Variants in GOLGA3 observed in about 807,000 individuals in gnomAD.
The protein encoded by GOLGA3 is golgin subfamily A member 3.
GOLGA3 carries 75 observed loss-of-function variants against 169.4 expected under a neutral mutation model. The ratio of observed to expected loss-of-function variants is 0.44; its 90% CI spans 0.37 to 0.54. The LOEUF (loss-of-function observed/expected upper bound fraction) is 0.54, where lower values mean the gene tolerates loss of function less well. Ranked by LOEUF, GOLGA3 falls within the 20% of genes least tolerant of loss-of-function variation. GOLGA3 has a pLI of 0.00. For synonymous variants in GOLGA3, 824 were observed against 822.4 expected, an observed-to-expected ratio of 1.00 and a Z score of -0.03; for missense variants, 1,899 against 1,930.0, an observed-to-expected ratio of 0.98 and a Z score of 0.30.
At chr12:132,802,032 G>A (rs1949152354) in intron 7 of GOLGA3, 63 bp from the exon 8 acceptor site, 15 of 1,296,334 alleles carry the variant, frequency 1.2e-5, no homozygotes, top group East Asian at 7.3e-5. Flanking sequence ...CCGCAGCTCC[G>A]CGCGTGCGGG....
chr12:132,803,246 C>CTA (rs1426988327), intron 7 of GOLGA3, among the ~76,000 whole-genome samples: 2 of 152,158 alleles, frequency 1.3e-5, no homozygotes, highest in African/African-American at 4.8e-5. Flanking sequence ...CAGCGGGCGC[C>CTA]TAGGATGACT....
chr12:132,784,355 C>A, intron 15 of GOLGA3, 48 bp from the exon 16 acceptor site: 2 of 1,519,136 alleles, frequency 1.3e-6, no homozygotes, highest in African/African-American at 2.7e-5. Context: ...CAGGCCCTGA[C>A]CCCCCTCACT....
At chr12:132,819,022 C>T (rs1035514377) in intron 2 of GOLGA3, among the ~76,000 whole-genome samples, 3 of 150,128 alleles carry the variant, frequency 2.0e-5, no homozygotes, top group African/African-American at 7.6e-5. Context: ...TCAGTCTTTT[C>T]CCTGCCCCCT....
intron 11 of GOLGA3, 23 bp downstream of exon 11, chr12:132,795,829 C>T (rs369252040): frequency 6.9e-6 from 11 of 1,599,176 alleles, no homozygotes; most frequent in African/African-American, 5.4e-5. Flanking sequence ...TGATTCAAAA[C>T]AAAACACAGC....
chr12:132,770,126 GGGAGAATGAGGCA>G lies in GOLGA3; in HGVS notation c.*2966_*2978del, dbSNP rs1359082577. ...CGGGCACCTGTAATCCCAGCTACTGGGGAGAATGAGGCAGGAGAATCGCTTGAACCCAGATGGC... is the reference window on the plus strand; with the variant it reads ...CGGGCACCTGTAATCCCAGCTACTGGGGAGAATCGCTTGAACCCAGATGGC... On this transcript the variant is annotated 3_prime_UTR_variant, in exon 24 of 24. Transcript: ENST00000450791. 6.6e-6 allele frequency: 1 copy of G among 151,966 alleles called. No homozygotes were observed. Among genetic ancestry groups the G allele is most frequent in the Admixed American group, 6.6e-5 (1 of 15,252 alleles). 9.4% of individuals were successfully genotyped at this position (151,966 alleles called of 1,614,324 possible). A position where few individuals can be genotyped will look rare whatever the true frequency, so the allele number is the denominator to read the frequency against.
At chr12:132,780,983 A>G in intron 17 of GOLGA3, 69 bp from the exon 18 acceptor site, 2 of 1,165,698 alleles carry the variant, frequency 1.7e-6, no homozygotes, top group South Asian at 2.4e-5. Context: ...CTGCTACAGC[A>G]GGCAACGTGA....
At chr12:132,793,879 C>T (rs1191372859) in intron 11 of GOLGA3, among the ~76,000 whole-genome samples, 1 of 152,228 alleles carries the variant, frequency 6.6e-6, no homozygotes, top group Non-Finnish European at 1.5e-5. Flanking sequence ...GGGCGGCCGA[C>T]TCCAGAAATA....
At position 132,808,353 on chromosome 12, in the gene GOLGA3, T is replaced by G; in HGVS notation, c.716A>C (p.Lys239Thr). Residue 239 changes from lysine (K) to threonine (T), a missense_variant, in exon 5 of 24, where the codon AAA becomes ACA. Transcript: ENST00000450791. The stretch of plus-strand genomic sequence containing the variant: ...GGCCAGAGACCGGATTTTGCTTGAT[T>G]TGGAAGTTTTTTTCTCCCTAGGATG... The part of the protein sequence containing the change: ...PAHPREKKTS[K>T]SSKIRSLADY... 6.2e-7 allele frequency: 1 copy of G among 1,614,092 alleles called. No individual in the cohort carries two copies. The highest frequency in any genetic ancestry group is 8.5e-7 in the Non-Finnish European group (1 of 1,180,014).
intron 16 of GOLGA3, 40 bp downstream of exon 16, chr12:132,784,124 C>T: frequency 1.2e-6 from 2 of 1,601,330 alleles, no homozygotes; most frequent in Non-Finnish European, 1.7e-6. Context: ...CTCACGTGAC[C>T]TGCCCCACGC....
At chr12:132,789,502 G>A (rs535992577) in intron 12 of GOLGA3, among the ~76,000 whole-genome samples, 11 of 152,322 alleles carry the variant, frequency 7.2e-5, no homozygotes, top group South Asian at 4.1e-4. Context: ...GAGAGACTGC[G>A]TGGTGCACAA....
At position 132,778,820 on chromosome 12, in the gene GOLGA3, G is replaced by A. The variant is rs553517719; in HGVS notation, c.3583-1015C>T. Among the ~76,000 whole-genome samples, 21 of 151,362 alleles carry A rather than the reference G, an allele frequency of 1.4e-4. 1 individual carries two copies. In the South Asian group the frequency reaches 3.8e-3, roughly 27 times the overall value. ...TGAGGCAGGAGAATCACTTGAACCC[G>A]GGAGGCAGAGGTTACAGTGAACCAA... is the stretch of plus-strand genomic sequence containing the variant. On this transcript the variant is annotated intron_variant, in intron 18 of 23. Coordinates refer to ENST00000450791, the MANE Select transcript of GOLGA3 (RefSeq NM_001389683.1).
chr12:132,779,501 T>C (rs1051661461), intron 18 of GOLGA3, among the ~76,000 whole-genome samples: 2 of 152,244 alleles, frequency 1.3e-5, no homozygotes, highest in South Asian at 2.1e-4. Flanking sequence ...TTCTTAAAGG[T>C]TGTGGCAAAG....
At chr12:132,800,888 G>A (rs190505280) in intron 8 of GOLGA3, among the ~76,000 whole-genome samples, 53 of 152,352 alleles carry the variant, frequency 3.5e-4, no homozygotes, top group Non-Finnish European at 6.8e-4. Flanking sequence ...GAGTCTGAGA[G>A]GTTGAGGCTG....
intron 4 of GOLGA3, among the ~76,000 whole-genome samples, chr12:132,811,627 A>ATC (rs569493915): frequency 9.2e-4 from 139 of 151,788 alleles, no homozygotes; most frequent in Non-Finnish European, 1.5e-3. Context: ...CATCCGGCTA[A>ATC]TTTTTTGTAT....
In GOLGA3 at chr12:132,796,711, G is replaced by GA. The variant is rs772736852; in HGVS notation, c.1939-12dup. ...ATCCAACATGTCAGCCTGAGCCCAG[G>GA]AAACTTGTTTTTAAAAAGGCAGGAA... On this transcript the variant is annotated splice_polypyrimidine_tract_variant and intron_variant, in intron 9 of 23. Transcript: ENST00000450791. 6.2e-7 allele frequency: 1 copy of GA among 1,612,504 alleles called. No individual in the cohort carries two copies. Among genetic ancestry groups the GA allele is most frequent in the South Asian group, 1.1e-5 (1 of 91,024 alleles).
At chr12:132,810,963 A>C (rs569391881) in intron 4 of GOLGA3, among the ~76,000 whole-genome samples, 121 of 152,318 alleles carry the variant, frequency 7.9e-4, no homozygotes, top group African/African-American at 2.7e-3. Flanking sequence ...GAAAGTACTA[A>C]AAGTCTCTGA....
Position 132,776,667 on chromosome 12 carries a change from C to T in GOLGA3, c.3945G>A (p.Arg1315=). ...QQLDLTEQQG[R]KELEGLQQLL... is the part of the protein sequence containing the mutation. The stretch of plus-strand genomic sequence containing the variant: ...GCTGCTGTAGCCCTTCCAGTTCCTT[C>T]CTGCCCTGCTGCTCCGTCAAGTCCA... The change falls in exon 21 of 24, where the codon AGG becomes AGA. Residue 1315 remains arginine (R), a synonymous_variant. Coordinates refer to ENST00000450791, the MANE Select transcript of GOLGA3 (RefSeq NM_001389683.1). 1 of 1,613,534 alleles carries T rather than the reference C, an allele frequency of 6.2e-7. No homozygotes were observed.
chr12:132,774,040 A>G, intron 23 of GOLGA3, 117 bp downstream of exon 23: 1 of 929,582 alleles, frequency 1.1e-6, no homozygotes, highest in Middle Eastern at 2.2e-4. Flanking sequence ...CCCCACCCTT[A>G]TATAAACCTG....
rs1950246381 is a variant in GOLGA3 at position 132,822,073 on chromosome 12, C to T, written c.56G>A (p.Gly19Asp). 3 of 1,606,462 alleles carry T rather than the reference C, an allele frequency of 1.9e-6. No homozygotes were observed. The highest frequency in any genetic ancestry group is 2.5e-6 in the Non-Finnish European group (3 of 1,177,244). The change falls in exon 2 of 24, where the codon GGC becomes GAC. Residue 19 changes from glycine (G) to aspartate (D), a missense_variant. Transcript: ENST00000450791. ...DGLQEDRSHS[G>D]PSSLPEAPLK... ...TGGGGCCTCGGGGAGAGACGAGGGGCCACTGTGGGATCTGTCCTCCTGGAG... is the reference window on the plus strand; with the variant it reads ...TGGGGCCTCGGGGAGAGACGAGGGGTCACTGTGGGATCTGTCCTCCTGGAG...
Sources: gnomAD v4.1 joint callset for allele counts (sites outside exome capture counted in the v4.1 genomes callset) on GRCh38, gnomAD v4.1.1 for gene constraint, MANE v1.5 for transcripts, NCBI Gene and HGNC (gene_info 2026-07-23, HGNC 2026-07-21) for gene names.